The following DDHD1 variants were observed in gnomAD, a reference collection of about 807,000 sequenced individuals.
DDHD1 encodes the protein DDHD domain containing 1.
DDHD1 carries 49 observed loss-of-function variants against 96.4 expected under a neutral mutation model. That is an observed-to-expected ratio of 0.51 (90% confidence interval 0.40 to 0.64). The LOEUF is 0.64. Ranked by LOEUF, DDHD1 falls within the 30% of genes least tolerant of loss-of-function variation. The pLI, the probability that DDHD1 is intolerant of heterozygous loss-of-function variation, is 0.00. For synonymous variants in DDHD1, 442 were observed against 446.5 expected, an observed-to-expected ratio of 0.99 and a Z score of 0.13; for missense variants, 1,106 against 1,161.2, an observed-to-expected ratio of 0.95 and a Z score of 0.69.
intron 1 of DDHD1, among the ~76,000 whole-genome samples, chr14:53,121,310 G>A (rs1467129303): frequency 6.6e-6 from 1 of 152,204 alleles, no homozygotes; most frequent in African/African-American, 2.4e-5. Context: ...TGGAGAAATA[G>A]GAACACTTTT....
intron 5 of DDHD1, among the ~76,000 whole-genome samples, chr14:53,073,208 AG>A (rs1181435022): frequency 6.6e-6 from 1 of 152,070 alleles, no homozygotes; most frequent in Non-Finnish European, 1.5e-5. Flanking sequence ...CAGCTCTTTA[AG>A]GAAGACAACT....
chr14:53,059,954 G>A (rs527835210), intron 8 of DDHD1, among the ~76,000 whole-genome samples: 4 of 150,156 alleles, frequency 2.7e-5, no homozygotes, highest in Admixed American at 1.3e-4. Flanking sequence ...ATACTCTTAC[G>A]GCTTTTAAAA....
chr14:53,103,058 T>G, intron 2 of DDHD1: 1 of 1,566,418 alleles, frequency 6.4e-7, no homozygotes, highest in Non-Finnish European at 8.7e-7. Flanking sequence ...CTGCCTGCAG[T>G]AAATGGAACA....
intron 4 of DDHD1, among the ~76,000 whole-genome samples, chr14:53,074,164 A>C (rs1242981126): frequency 1.3e-5 from 2 of 151,948 alleles, no homozygotes; most frequent in Non-Finnish European, 2.9e-5. Flanking sequence ...CCCAGCTCCA[A>C]ATATTAGCAA....
rs1490350671 is a variant in DDHD1, at chr14:53,045,316, G to A, written c.*1452C>T. ...AGCTCACTGCAGCTTTGAACTTCTG[G>A]GCTCGGGTGATCCTCCCACCTCAGC... On this transcript the variant is annotated 3_prime_UTR_variant, in exon 13 of 13. Coordinates refer to ENST00000673822, the MANE Select transcript of DDHD1 (RefSeq NM_001160148.2). 6.6e-6 allele frequency: 1 copy of A among 152,270 alleles called. No homozygotes were observed. Among genetic ancestry groups the A allele is most frequent in the Non-Finnish European group, 1.5e-5 (1 of 68,196 alleles). The allele number at this position is 152,270 out of a possible 1,614,324, so 9.4% of individuals were successfully genotyped here.
chr14:53,049,326 C>T (rs991378264), intron 12 of DDHD1, among the ~76,000 whole-genome samples: 7 of 152,170 alleles, frequency 4.6e-5, no homozygotes, highest in African/African-American at 7.2e-5. Flanking sequence ...TTCAGTTTCT[C>T]GTCCTCCCTG....
chr14:53,059,068 A>G (rs1883308954), intron 8 of DDHD1, among the ~76,000 whole-genome samples: 1 of 152,168 alleles, frequency 6.6e-6, no homozygotes, highest in South Asian at 2.1e-4. Flanking sequence ...AGTGAAAAAA[A>G]TAATTCCAAC....
At position 53,152,571 on chromosome 14, in the gene DDHD1, C is replaced by T. The variant is rs1367134109; in HGVS notation, c.528G>A (p.Lys176=). The T allele has an allele frequency of 1.2e-6, 2 of 1,613,814 alleles. No homozygotes were observed. Among genetic ancestry groups the T allele is most frequent in the Non-Finnish European group, 1.7e-6 (2 of 1,179,954 alleles). ...EEVRWFYKED[K]KTWKPFIGYD... is the part of the protein sequence containing the mutation. ...AGCCGATGAAGGGCTTCCAGGTCTT[C>T]TTGTCCTCCTTGTAGAACCAGCGTA... is the stretch of plus-strand genomic sequence containing the variant. The change falls in exon 1 of 13, where the codon AAG becomes AAA. Residue 176 remains lysine (K), a synonymous_variant. Coordinates refer to ENST00000673822, the MANE Select transcript of DDHD1 (RefSeq NM_001160148.2).
At chr14:53,085,232 G>C (rs1165296006) in intron 4 of DDHD1, among the ~76,000 whole-genome samples, 3 of 152,186 alleles carry the variant, frequency 2.0e-5, no homozygotes. Context: ...CCTTCTGCAG[G>C]CTTAAACATC....
rs915441 is a variant in DDHD1 at position 53,127,904 on chromosome 14, A to C, written c.839-24048T>G. Among the ~76,000 whole-genome samples, 487 of 152,264 alleles carry C rather than the reference A, an allele frequency of 3.2e-3. 2 individuals are homozygous for C. The highest frequency in any genetic ancestry group is 0.011 in the African/African-American group (471 of 41,552). On this transcript the variant is annotated intron_variant, in intron 1 of 12. Transcript: ENST00000673822. Reference sequence around the variant, plus strand: ...AAAGGTGGAATGACATGGTTTGGCCATGTCCCCACCCAAAATCTCATCTTG... The same window carrying C: ...AAAGGTGGAATGACATGGTTTGGCCCTGTCCCCACCCAAAATCTCATCTTG...
At position 53,091,759 on chromosome 14, in the gene DDHD1, T is replaced by C. The variant is rs1406481205; in HGVS notation, c.1289+26A>G. The C allele has an allele frequency of 3.7e-6, 6 of 1,607,800 alleles. No individual in the cohort carries two copies. In the African/African-American group the frequency reaches 5.4e-5, roughly 14 times the overall value. ...CAAAGTTTGGATTCTAGATTAGATA[T>C]ACAATGCATTCATCAAAGAACTTAC... On this transcript the variant is annotated intron_variant, in intron 4 of 12. Transcript: ENST00000673822.
intron 1 of DDHD1, among the ~76,000 whole-genome samples, chr14:53,125,967 C>T (rs1458271753): frequency 6.6e-6 from 1 of 152,146 alleles, no homozygotes; most frequent in Non-Finnish European, 1.5e-5. Flanking sequence ...TCCCAAAGTG[C>T]TGGGATTACA....
intron 2 of DDHD1, chr14:53,103,047 A>C (rs1444480531): frequency 1.3e-6 from 2 of 1,568,836 alleles, no homozygotes; most frequent in Admixed American, 3.7e-5. Flanking sequence ...AGTTGATCCC[A>C]CTGCCTGCAG....
chr14:53,073,040 A>G (rs993915138), intron 5 of DDHD1, among the ~76,000 whole-genome samples: 19 of 152,076 alleles, frequency 1.2e-4, no homozygotes, highest in African/African-American at 4.1e-4. Context: ...AACAGGTGTC[A>G]AAACACAATC....
intron 1 of DDHD1, among the ~76,000 whole-genome samples, chr14:53,115,297 C>T (rs1888455452): frequency 6.6e-6 from 1 of 151,200 alleles, no homozygotes; most frequent in Non-Finnish European, 1.5e-5. Context: ...AGTTGGAAAA[C>T]ACACTTCAGG....
intron 12 of DDHD1, among the ~76,000 whole-genome samples, chr14:53,050,961 G>A (rs777813787): frequency 1.3e-5 from 2 of 151,422 alleles, no homozygotes; most frequent in African/African-American, 2.4e-5. Context: ...AAACAGGCTG[G>A]CTTGGGCAGA....
rs997575308 is a variant in DDHD1, at chr14:53,044,521, G to A, written c.*2247C>T. 2 of 152,160 alleles carry A rather than the reference G, an allele frequency of 1.3e-5. No homozygotes were observed. Among genetic ancestry groups the A allele is most frequent in the Non-Finnish European group, 2.9e-5 (2 of 68,024 alleles). 9.4% of individuals were successfully genotyped at this position (152,160 alleles called of 1,614,324 possible). A position where few individuals can be genotyped will look rare whatever the true frequency, so the allele number is the denominator to read the frequency against. ...ACCACCTACAGCAACATACGCTCAA[G>A]TACCTTTAACGATACAGTCATATAG... On this transcript the variant is annotated 3_prime_UTR_variant, in exon 13 of 13. Transcript: ENST00000673822.
chr14:53,055,946 G>A (rs754290153), intron 9 of DDHD1, 34 bp from the exon 10 acceptor site: 41 of 1,565,316 alleles, frequency 2.6e-5, no homozygotes, highest in Non-Finnish European at 3.5e-5. Flanking sequence ...AAGAAACACA[G>A]TGTTAAATCA....
intron 1 of DDHD1, among the ~76,000 whole-genome samples, chr14:53,130,154 C>A (rs925449931): frequency 7.2e-5 from 11 of 152,196 alleles, no homozygotes; most frequent in Non-Finnish European, 1.5e-4. Context: ...TCTGCTCCCC[C>A]ACCCTATAAT....
Sources: gnomAD v4.1 joint callset for allele counts (sites outside exome capture counted in the v4.1 genomes callset) on GRCh38, gnomAD v4.1.1 for gene constraint, MANE v1.5 for transcripts, NCBI Gene and HGNC (gene_info 2026-07-23, HGNC 2026-07-21) for gene names.